C8orf74: variants seen among roughly 807,000 people sequenced by gnomAD.
C8orf74 encodes the protein uncharacterized protein C8orf74.
In C8orf74, 29 loss-of-function variants were observed where a neutral mutation model predicts 22.2. The ratio of observed to expected loss-of-function variants is 1.31; its 90% CI spans 0.97 to 1.78. The LOEUF (loss-of-function observed/expected upper bound fraction) is 1.78. Among genes scored for constraint, C8orf74 ranks in the 40% most tolerant of loss-of-function variants. The pLI is 0.00. For missense variants in C8orf74, 515 were observed against 369.9 expected (o/e 1.39, Z -3.22); for synonymous variants, 255 against 163.1 (o/e 1.56, Z -4.30).
chr8:10,700,373 A>AAACCCCCC lies in C8orf74; in HGVS notation c.787_788insAACCCCCC (p.Thr263LysfsTer20). The AAACCCCCC allele has an allele frequency of 1.2e-5, 9 of 755,244 alleles. No homozygotes were observed. The highest frequency in any genetic ancestry group is 1.7e-5 in the Non-Finnish European group (8 of 480,286). The allele number at this position is 755,244 out of a possible 1,614,324, so 46.8% of individuals were successfully genotyped here. On this transcript the variant is annotated frameshift_variant, in exon 4 of 4. Transcript: ENST00000304519. LOFTEE classifies it low-confidence loss of function (END_TRUNC). The stretch of plus-strand genomic sequence containing the variant: ...GAAGACTCTGAACCTCAACGCCCCC[A>AAACCCCCC]CCCCTATCCCGCCCCCCATCACCAG...
At chr8:10,698,112 G>T in intron 3 of C8orf74, 107 bp downstream of exon 3, 1 of 1,134,154 alleles carries the variant, frequency 8.8e-7, no homozygotes, top group East Asian at 2.7e-5. Flanking sequence ...ACAGGGGAGG[G>T]GGAGAGATGC....
At chr8:10,694,970 G>A (rs370380507) in intron 2 of C8orf74, among the ~76,000 whole-genome samples, 8 of 151,906 alleles carry the variant, frequency 5.3e-5, no homozygotes, top group Non-Finnish European at 7.4e-5. Context: ...AAGGATGGAC[G>A]GATGGATGGA....
At chr8:10,692,858 TG>T (rs1233561438) in intron 2 of C8orf74, 5 of 152,234 alleles carry the variant, frequency 3.3e-5, no homozygotes, top group African/African-American at 1.2e-4. Context: ...CTCTGGCACT[TG>T]GCACCCAGCA....
rs1322488156 is a variant in C8orf74 at position 10,673,198 on chromosome 8, T to A, written c.48+485T>A. 3.9e-5 allele frequency among the ~76,000 whole-genome samples: 6 copies of A among 152,144 alleles called. No individual in the cohort carries two copies. In the East Asian group the frequency reaches 7.7e-4, roughly 20 times the overall value. On this transcript the variant is annotated intron_variant, in intron 1 of 3. Coordinates refer to ENST00000304519, the MANE Select transcript of C8orf74 (RefSeq NM_001040032.2). ...CCTTGGGGTCCTCCCAGCCAGAGGA[T>A]CCCTTGCCTCAGGAAAGCAACACTC...
At chr8:10,682,292 G>A (rs1248294393) in intron 2 of C8orf74, among the ~76,000 whole-genome samples, 1 of 152,184 alleles carries the variant, frequency 6.6e-6, no homozygotes, top group Non-Finnish European at 1.5e-5. Flanking sequence ...GCATTTCTTG[G>A]GACAAACGAG....
At chr8:10,698,125 G>A in intron 3 of C8orf74, 120 bp downstream of exon 3, 1 of 1,035,850 alleles carries the variant, frequency 9.7e-7, no homozygotes, top group Non-Finnish European at 1.3e-6. Context: ...AGAGATGCAG[G>A]GAGGAATCAA....
intron 2 of C8orf74, among the ~76,000 whole-genome samples, chr8:10,678,316 T>A (rs6601501): frequency 4.6e-5 from 7 of 152,092 alleles, no homozygotes; most frequent in Admixed American, 2.0e-4. Flanking sequence ...AATGAGGCTG[T>A]GCCTTAAAGC....
At chr8:10,684,456 T>C (rs1194800919) in intron 2 of C8orf74, among the ~76,000 whole-genome samples, 2 of 152,226 alleles carry the variant, frequency 1.3e-5, no homozygotes, top group Non-Finnish European at 2.9e-5. Flanking sequence ...CATGTGGTCC[T>C]GAGCTTGCCC....
At chr8:10,688,393 G>T (rs1799305844) in intron 2 of C8orf74, 3 of 152,206 alleles carry the variant, frequency 2.0e-5, no homozygotes, top group Admixed American at 6.5e-5. Flanking sequence ...ACTTCTGCAA[G>T]TGATGAAGTT....
intron 2 of C8orf74, among the ~76,000 whole-genome samples, chr8:10,695,920 C>T (rs548430991): frequency 6.6e-6 from 1 of 152,298 alleles, no homozygotes; most frequent in South Asian, 2.1e-4. Flanking sequence ...TGGTGGGCGC[C>T]TGGCCCAAGC....
intron 2 of C8orf74, among the ~76,000 whole-genome samples, chr8:10,683,167 G>A (rs1005981842): frequency 1.8e-4 from 27 of 152,220 alleles, no homozygotes; most frequent in African/African-American, 6.0e-4. Context: ...ACACCTGGAT[G>A]AGCCAGGTCA....
In C8orf74 at chr8:10,690,218, C is replaced by T. The variant is rs897348509; in HGVS notation, c.242-7381C>T. 7.2e-5 allele frequency among the ~76,000 whole-genome samples: 11 copies of T among 152,118 alleles called. No homozygotes were observed. The South Asian group carries it at 8.3e-4, about 12-fold the overall frequency. On this transcript the variant is annotated intron_variant, in intron 2 of 3. Coordinates refer to ENST00000304519, the MANE Select transcript of C8orf74 (RefSeq NM_001040032.2). Reference sequence around the variant, plus strand: ...CCTCTTTGAGCCTCAGTTTCTCTCCCGGGAGGAGAGGGGTTGGTACCTGTG... The same window carrying T: ...CCTCTTTGAGCCTCAGTTTCTCTCCTGGGAGGAGAGGGGTTGGTACCTGTG...
At chr8:10,681,577 C>T (rs1799149621) in intron 2 of C8orf74, among the ~76,000 whole-genome samples, 1 of 152,164 alleles carries the variant, frequency 6.6e-6, no homozygotes, top group African/African-American at 2.4e-5. Context: ...TTCAGGCTTC[C>T]CTTGGCAGGA....
intron 2 of C8orf74, among the ~76,000 whole-genome samples, chr8:10,676,495 A>T (rs1488366896): frequency 6.6e-6 from 1 of 152,172 alleles, no homozygotes; most frequent in Non-Finnish European, 1.5e-5. Context: ...AGACACACAG[A>T]ATGTCCCACG....
chr8:10,698,644 T>C (rs1284508111), intron 3 of C8orf74, among the ~76,000 whole-genome samples: 1 of 152,170 alleles, frequency 6.6e-6, no homozygotes, highest in Non-Finnish European at 1.5e-5. Flanking sequence ...TCAGGGTAGC[T>C]GACTTCTTGA....
At chr8:10,699,782 G>A (rs1049739652) in intron 3 of C8orf74, among the ~76,000 whole-genome samples, 2 of 152,248 alleles carry the variant, frequency 1.3e-5, no homozygotes, top group African/African-American at 4.8e-5. Context: ...TGGGGGCCCA[G>A]GGTATCCAGA....
chr8:10,688,761 C>A (rs74679874), intron 2 of C8orf74: 9,352 of 152,576 alleles, frequency 0.061, 741 homozygotes, highest in African/African-American at 0.18. Flanking sequence ...TCAGGCCCAA[C>A]CAGCCTGCCC....
intron 2 of C8orf74, chr8:10,692,699 T>A (rs948598934): frequency 6.6e-6 from 1 of 152,040 alleles, no homozygotes; most frequent in African/African-American, 2.4e-5. Flanking sequence ...TGTTCGGGTC[T>A]TTCTATGTTG....
chr8:10,673,715 G>C (rs1798964520), intron 1 of C8orf74: 1 of 153,880 alleles, frequency 6.5e-6, no homozygotes, highest in African/African-American at 2.4e-5. Context: ...CAGGAGGAGG[G>C]AGTGCTGCCC....
Sources: gnomAD v4.1 joint callset for allele counts (sites outside exome capture counted in the v4.1 genomes callset) on GRCh38, gnomAD v4.1.1 for gene constraint, MANE v1.5 for transcripts, NCBI Gene and HGNC (gene_info 2026-07-23, HGNC 2026-07-21) for gene names.